MYOM2: variants seen among roughly 807,000 people sequenced by gnomAD.
The protein encoded by MYOM2 is myomesin-2.
MYOM2 carries 254 observed loss-of-function variants against 187.6 expected under a neutral mutation model. The observed-to-expected ratio is 1.35, with a 90% confidence interval of 1.22 to 1.50. The LOEUF (loss-of-function observed/expected upper bound fraction) is 1.50, where lower values mean the gene tolerates loss of function less well. Ranked by LOEUF, MYOM2 falls within the 40% of genes most tolerant of loss-of-function variation. MYOM2 has a pLI of 0.00. For missense variants in MYOM2, 2,796 were observed against 1,924.0 expected (o/e 1.45, Z -8.48); for synonymous variants, 981 against 753.8 (o/e 1.30, Z -4.94).
At chr8:2,104,932 A>T (rs1796841971) in intron 21 of MYOM2, among the ~76,000 whole-genome samples, 1 of 152,162 alleles carries the variant, frequency 6.6e-6, no homozygotes, top group Admixed American at 6.5e-5. Flanking sequence ...ACCTCTTTTA[A>T]AAAGAATTTT....
In MYOM2 at chr8:2,107,785, A is replaced by C. The variant is rs181558224; in HGVS notation, c.2999-1001A>C. On this transcript the variant is annotated intron_variant, in intron 23 of 36. Coordinates refer to ENST00000262113, the MANE Select transcript of MYOM2 (RefSeq NM_003970.4). The stretch of plus-strand genomic sequence containing the variant: ...TGTTGGCCCTGCCTCCAGGGTCTTG[A>C]CACAGTTTTGTACCTTCACGACATC... 2.7e-3 allele frequency among the ~76,000 whole-genome samples: 413 copies of C among 152,252 alleles called. 5 individuals carry two copies. Among genetic ancestry groups the C allele is most frequent in the African/African-American group, 9.4e-3 (390 of 41,530 alleles).
At position 2,069,261 on chromosome 8, in the gene MYOM2, G is replaced by C; in HGVS notation, c.654-17G>C. The C allele has an allele frequency of 6.2e-7, 1 of 1,602,498 alleles. No homozygotes were observed. The highest frequency in any genetic ancestry group is 8.5e-7 in the Non-Finnish European group (1 of 1,172,702). On this transcript the variant is annotated splice_polypyrimidine_tract_variant and intron_variant, in intron 6 of 36. Transcript: ENST00000262113. ...ACAACAGTCCCGCAGACTTTCTCTT[G>C]TTTTTTTCTCTCCAAGGGCAGACTT... is the stretch of plus-strand genomic sequence containing the variant.
chr8:2,094,988 CA>C (rs1796430242), intron 17 of MYOM2, among the ~76,000 whole-genome samples: 1 of 152,160 alleles, frequency 6.6e-6, no homozygotes, highest in Non-Finnish European at 1.5e-5. Context: ...TTTTGAAACA[CA>C]AATGCCACAT....
At chr8:2,059,058 G>A in intron 5 of MYOM2, 95 bp from the exon 6 acceptor site, 2 of 995,166 alleles carry the variant, frequency 2.0e-6, no homozygotes, top group South Asian at 2.9e-5. Context: ...GAAACCTGCA[G>A]AAATGGGCAG....
chr8:2,123,527 A>G, intron 29 of MYOM2, 28 bp from the exon 30 acceptor site: 2 of 1,595,974 alleles, frequency 1.3e-6, no homozygotes, highest in Non-Finnish European at 8.6e-7. Context: ...TTGACTTTAC[A>G]TAAATATGGA....
At chr8:2,083,601 CAT>C (rs1819709784) in intron 13 of MYOM2, among the ~76,000 whole-genome samples, 1 of 152,192 alleles carries the variant, frequency 6.6e-6, no homozygotes, top group Non-Finnish European at 1.5e-5. Flanking sequence ...AGTGGTGTCT[CAT>C]GTGTGCTTAA....
intron 3 of MYOM2, among the ~76,000 whole-genome samples, chr8:2,055,560 G>A (rs1818636249): frequency 6.6e-6 from 1 of 152,186 alleles, no homozygotes. Flanking sequence ...TTCCTAAGGA[G>A]ATAAATCCAC....
intron 25 of MYOM2, among the ~76,000 whole-genome samples, chr8:2,111,900 G>A (rs1368254674): frequency 6.6e-6 from 1 of 152,222 alleles, no homozygotes; most frequent in African/African-American, 2.4e-5. Flanking sequence ...TACGCTGTGT[G>A]ATCTACATCT....
chr8:2,088,954 C>T (rs375493072), intron 14 of MYOM2, among the ~76,000 whole-genome samples: 1 of 152,030 alleles, frequency 6.6e-6, no homozygotes, highest in East Asian at 1.9e-4. Context: ...ACCTGGACTG[C>T]GCTCGCTTGG....
At chr8:2,128,413 G>C (rs1797730926) in intron 31 of MYOM2, among the ~76,000 whole-genome samples, 1 of 152,186 alleles carries the variant, frequency 6.6e-6, no homozygotes, top group African/African-American at 2.4e-5. Flanking sequence ...TGTAAATCTA[G>C]TTTTCTAGGT....
intron 32 of MYOM2, among the ~76,000 whole-genome samples, chr8:2,131,115 A>G (rs1010835166): frequency 1.3e-5 from 2 of 152,124 alleles, no homozygotes; most frequent in African/African-American, 4.8e-5. Flanking sequence ...GATTAAACAC[A>G]CACCCACACA....
chr8:2,107,805 G>A (rs1358325267), intron 23 of MYOM2, among the ~76,000 whole-genome samples: 6 of 152,132 alleles, frequency 3.9e-5, no homozygotes, highest in Admixed American at 6.5e-5. Flanking sequence ...GTACCTTCAC[G>A]ACATCCTGAA....
chr8:2,079,237 C>T lies in MYOM2; in HGVS notation c.1462+304C>T, dbSNP rs553578262. Among the ~76,000 whole-genome samples, 3 of 152,172 alleles carry T rather than the reference C, an allele frequency of 2.0e-5. No individual in the cohort carries two copies. The East Asian group carries it at 5.8e-4, about 29-fold the overall frequency. On this transcript the variant is annotated intron_variant, in intron 12 of 36. Coordinates refer to ENST00000262113, the MANE Select transcript of MYOM2 (RefSeq NM_003970.4). ...TTCCATTGGTGATATAATTTCAACA[C>T]ATAATGACACTTAGAAGGCCATCCT...
chr8:2,096,300 A>G lies in MYOM2; in HGVS notation c.2179A>G (p.Met727Val), dbSNP rs1796481972. The change falls in exon 18 of 37, where the codon ATG becomes GTG. Residue 727 changes from methionine to valine, a missense_variant. Coordinates refer to ENST00000262113, the MANE Select transcript of MYOM2 (RefSeq NM_003970.4). ...ITLLNCDGHS[M>V]TLGWKVPKFS... The stretch of plus-strand genomic sequence containing the variant: ...GCTCCTCAACTGTGACGGCCACTCC[A>G]TGACCCTCGGCTGGAAGGTCCCGAA... 4.3e-6 allele frequency: 7 copies of G among 1,614,024 alleles called. No homozygotes were observed. In the South Asian group the frequency reaches 7.7e-5, roughly 18 times the overall value.
chr8:2,058,274 C>T (rs1818741396), intron 5 of MYOM2, among the ~76,000 whole-genome samples: 1 of 152,104 alleles, frequency 6.6e-6, no homozygotes, highest in African/African-American at 2.4e-5. Context: ...CTGCCTCGGC[C>T]TCCCAAAGTC....
At chr8:2,053,721 T>C (rs1339699358) in intron 3 of MYOM2, among the ~76,000 whole-genome samples, 2 of 152,184 alleles carry the variant, frequency 1.3e-5, no homozygotes, top group Non-Finnish European at 2.9e-5. Context: ...GCACCTCTGA[T>C]CCTCACGTTA....
chr8:2,063,367 G>T (rs1480005673), intron 6 of MYOM2, among the ~76,000 whole-genome samples: 1 of 152,150 alleles, frequency 6.6e-6, no homozygotes, highest in Non-Finnish European at 1.5e-5. Flanking sequence ...ACGGTAGCTG[G>T]ATTCTTAAAG....
At chr8:2,113,531 AGG>A (rs1487521707) in intron 25 of MYOM2, among the ~76,000 whole-genome samples, 2 of 152,108 alleles carry the variant, frequency 1.3e-5, no homozygotes, top group Non-Finnish European at 2.9e-5. Context: ...AGGGTGGTGC[AGG>A]GGGTTAGCTG....
At chr8:2,124,120 A>C in intron 30 of MYOM2, 59 bp from the exon 31 acceptor site, 1 of 1,507,488 alleles carries the variant, frequency 6.6e-7, no homozygotes, top group Non-Finnish European at 9.1e-7. Context: ...AAACATTGAA[A>C]ATGCTGCTTT....
Sources: allele counts gnomAD v4.1 joint callset (sites outside exome capture counted in the v4.1 genomes callset), GRCh38; gene constraint gnomAD v4.1.1; transcripts MANE v1.5; gene names NCBI Gene and HGNC (gene_info 2026-07-23, HGNC 2026-07-21).